Variants in FIBP observed in about 807,000 individuals in gnomAD.
The protein encoded by FIBP is acidic fibroblast growth factor intracellular-binding protein.
FIBP carries 29 observed loss-of-function variants against 40.5 expected under a neutral mutation model. The ratio of observed to expected loss-of-function variants is 0.72; its 90% CI spans 0.53 to 0.98. The LOEUF (loss-of-function observed/expected upper bound fraction) is 0.98, where lower values mean the gene tolerates loss of function less well. Ranked by LOEUF, FIBP falls within the 50% of genes least tolerant of loss-of-function variation. FIBP has a pLI of 0.00. For synonymous variants in FIBP, 215 were observed against 191.1 expected, an observed-to-expected ratio of 1.13 and a Z score of -1.03; for missense variants, 411 against 470.2, an observed-to-expected ratio of 0.87 and a Z score of 1.16.
At chr11:65,884,882 G>A (rs1860191839) in intron 7 of FIBP, 53 bp downstream of exon 7, 1 of 1,599,496 alleles carries the variant, frequency 6.3e-7, no homozygotes, top group Non-Finnish European at 8.6e-7. Flanking sequence ...GGTAGGGGTG[G>A]CGAACTGGAG....
intron 4 of FIBP, 58 bp downstream of exon 4, chr11:65,886,264 G>T (rs1024963128): frequency 8.3e-7 from 1 of 1,209,042 alleles, no homozygotes; most frequent in African/African-American, 1.5e-5. Context: ...AGGGAAGGTG[G>T]ACGAGCCTCC....
intron 7 of FIBP, 119 bp from the exon 8 acceptor site, chr11:65,884,775 C>T: frequency 7.6e-7 from 1 of 1,316,414 alleles, no homozygotes; most frequent in South Asian, 1.2e-5. Context: ...CTCCATCAAC[C>T]AAGTCCCCAT....
Position 65,888,037 on chromosome 11 carries a change from G to A in FIBP, c.181C>T (p.Arg61Cys), listed in dbSNP as rs1305230810. The A allele has an allele frequency of 1.2e-6, 2 of 1,612,040 alleles. No individual in the cohort carries two copies. Among genetic ancestry groups the A allele is most frequent in the Non-Finnish European group, 1.7e-6 (2 of 1,179,484 alleles). ...AGCCGCTCGAGCATGTGGAAGGTGC[G>A]GTAATGGTCCATGGTGTCGCTCTGC... Reference protein sequence around the residue: ...VLQSDTMDHYRTFHMLERLLH... With the variant: ...VLQSDTMDHYCTFHMLERLLH... The change falls in exon 2 of 10, where the codon CGC becomes TGC. Residue 61 changes from arginine (R) to cysteine (C), a missense_variant. Transcript: ENST00000357519.
Position 65,885,173 on chromosome 11 carries a change from A to C in FIBP, c.660T>G (p.Asp220Glu). Residue 220 changes from aspartate (D) to glutamate (E), a missense_variant, in exon 6 of 10, where the codon GAT (aspartate) becomes GAG (glutamate). By Grantham distance (45) the Asp-to-Glu change is conservative. Coordinates refer to ENST00000357519, the MANE Select transcript of FIBP (RefSeq NM_004214.5). ...WTLGAVDSQM[D>E]DMDMDLDKEF... is the part of the protein sequence containing the mutation. ...CCTTGTCTAAGTCCATGTCCATGTC[A>C]TCCATCTGTGAGTCTGTGAGGCCAT... 1.4e-6 allele frequency: 2 copies of C among 1,421,954 alleles called. No individual in the cohort carries two copies. The highest frequency in any genetic ancestry group is 1.9e-6 in the Non-Finnish European group (2 of 1,030,848). The allele number at this position is 1,421,954 out of a possible 1,614,324, so 88.1% of individuals were successfully genotyped here.
Position 65,886,439 on chromosome 11 carries a change from G to A in FIBP, c.412-17C>T, listed in dbSNP as rs1233020549. On this transcript the variant is annotated splice_polypyrimidine_tract_variant and intron_variant, in intron 3 of 9. Coordinates refer to ENST00000357519, the MANE Select transcript of FIBP (RefSeq NM_004214.5). The stretch of plus-strand genomic sequence containing the variant: ...GTTGTCAAACTGCAGGGCAGTTAGG[G>A]TAGAAGAGAGGACTGGTCAGAGTGT... 2.6e-6 allele frequency: 4 copies of A among 1,550,460 alleles called. No homozygotes were observed. Among genetic ancestry groups the A allele is most frequent in the Non-Finnish European group, 3.6e-6 (4 of 1,121,982 alleles).
At position 65,883,762 on chromosome 11, in the gene FIBP, G is replaced by A. The variant is rs903372131; in HGVS notation, c.*212C>T. ...CTCTGGCTTGTGAGCAGACTCTTCT[G>A]GTGGATGGGCTGAGCACAGACACCA... On this transcript the variant is annotated 3_prime_UTR_variant, in exon 10 of 10. Transcript: ENST00000357519. The A allele has an allele frequency of 2.5e-6, 2 of 803,604 alleles. No homozygotes were observed. Among genetic ancestry groups the A allele is most frequent in the Non-Finnish European group, 4.0e-6 (2 of 495,256 alleles). The allele number at this position is 803,604 out of a possible 1,614,324, so 49.8% of individuals were successfully genotyped here. A position where few individuals can be genotyped will look rare whatever the true frequency, so the allele number is the denominator to read the frequency against.
At chr11:65,885,276 C>A (rs1292742780) in intron 5 of FIBP, 90 bp from the exon 6 acceptor site, 8 of 1,132,006 alleles carry the variant, frequency 7.1e-6, no homozygotes, top group South Asian at 6.4e-5. Flanking sequence ...TTATTTCCCC[C>A]CTGGGGACAA....
chr11:65,884,579 G>A lies in FIBP; in HGVS notation c.897C>T (p.Leu299=), dbSNP rs116455583. 6.2e-4 allele frequency: 1,002 copies of A among 1,614,174 alleles called. 5 individuals are homozygous for A. In the African/African-American group the frequency reaches 9.7e-3, roughly 16 times the overall value. The change falls in exon 8 of 10, where the codon CTC becomes CTT. Residue 299 remains leucine, a synonymous_variant. Transcript: ENST00000357519. ...NKDVRDLFVD[L]VEKFVEPCRS... is the part of the protein sequence containing the mutation. ...GAGCACGACAGCTCACCTTCTCCAC[G>A]AGGTCCACAAACAGGTCTCTGACAT...
chr11:65,885,249 T>C (rs1860205215), intron 5 of FIBP, 63 bp from the exon 6 acceptor site: 3 of 1,275,796 alleles, frequency 2.4e-6, no homozygotes, highest in Middle Eastern at 1.9e-4. Flanking sequence ...AGCCTAAGCC[T>C]TTCCTCACCC....
In FIBP at chr11:65,884,461, C is replaced by T; in HGVS notation, c.935G>A (p.Trp312Ter). 1 of 1,614,142 alleles carries T rather than the reference C, an allele frequency of 6.2e-7. No homozygotes were observed. Among genetic ancestry groups the T allele is most frequent in the Non-Finnish European group, 8.5e-7 (1 of 1,180,022 alleles). Residue 312 changes from tryptophan (W) to a stop codon, truncating the protein, a stop_gained, in exon 9 of 10, where the codon TGG (tryptophan) becomes TAG (stop). Coordinates refer to ENST00000357519, the MANE Select transcript of FIBP (RefSeq NM_004214.5). LOFTEE classifies it high-confidence loss of function. ...KFVEPCRSDHWPLSDVRFFLN... is the reference protein window; with the variant it reads ...KFVEPCRSDH ...GAAGAACCGCACGTCGCTGAGTGGC[C>T]AGTGGTCGGAGCGGCAGGGTTCCAC... is the stretch of plus-strand genomic sequence containing the variant.
At chr11:65,886,289 G>C (rs756863960) in intron 4 of FIBP, 33 bp downstream of exon 4, 3 of 1,462,604 alleles carry the variant, frequency 2.1e-6, no homozygotes. Context: ...CCAGGAAGTA[G>C]TGTGCGGGAT....
chr11:65,886,167 A>AC lies in FIBP; in HGVS notation c.512+154_512+155insG. 7 of 501,392 alleles carry AC rather than the reference A, an allele frequency of 1.4e-5. No individual in the cohort carries two copies. In the South Asian group the frequency reaches 1.5e-4, roughly 11 times the overall value. 31.1% of individuals were successfully genotyped at this position (501,392 alleles called of 1,614,324 possible). A position where few individuals can be genotyped will look rare whatever the true frequency, so the allele number is the denominator to read the frequency against. ...GGCAACAAGAGTGAAACTCCGTCTCATTAAAAAAAAAAAAAAAAAAAAAGT... is the reference window on the plus strand; with the variant it reads ...GGCAACAAGAGTGAAACTCCGTCTCACTTAAAAAAAAAAAAAAAAAAAAAGT... On this transcript the variant is annotated intron_variant, in intron 4 of 9. Transcript: ENST00000357519.
chr11:65,887,462 AAGG>A, intron 3 of FIBP, 135 bp downstream of exon 3: 1 of 981,664 alleles, frequency 1.0e-6, no homozygotes, highest in Non-Finnish European at 1.6e-6. Context: ...AAAAAAAAAA[AAGG>A]AGGGGAAAGG....
Position 65,888,015 on chromosome 11 carries a change from C to T in FIBP, c.203G>A (p.Arg68Gln), listed in dbSNP as rs1175824325. 1.2e-6 allele frequency: 2 copies of T among 1,613,246 alleles called. No homozygotes were observed. The highest frequency in any genetic ancestry group is 1.7e-6 in the Non-Finnish European group (2 of 1,179,808). ...DHYRTFHMLE[R>Q]LLHAPPKLLH... ...TAGCTTGGGCGGCGCATGCAGCAGCCGCTCGAGCATGTGGAAGGTGCGGTA... is the reference window on the plus strand; with the variant it reads ...TAGCTTGGGCGGCGCATGCAGCAGCTGCTCGAGCATGTGGAAGGTGCGGTA... The change falls in exon 2 of 10, where the codon CGG becomes CAG. Residue 68 changes from arginine to glutamine, a missense_variant. Physicochemically the swap from Arg to Gln is conservative, Grantham distance 43 (BLOSUM62 1). Coordinates refer to ENST00000357519, the MANE Select transcript of FIBP (RefSeq NM_004214.5).
In FIBP at chr11:65,887,951, C is replaced by T; in HGVS notation, c.267G>A (p.Gln89=). Reference sequence around the variant, plus strand: ...GTGAGCACCTCTCGATGAGTAGTGCCTGCCGGGAGGGCGGAATCTGGAAGA... The same window carrying T: ...GTGAGCACCTCTCGATGAGTAGTGCTTGCCGGGAGGGCGGAATCTGGAAGA... ...QLIFQIPPSR[Q]ALLIERYYAF... The change falls in exon 2 of 10, where the codon CAG becomes CAA. Residue 89 remains glutamine, a synonymous_variant. Coordinates refer to ENST00000357519, the MANE Select transcript of FIBP (RefSeq NM_004214.5). 6.2e-7 allele frequency: 1 copy of T among 1,613,748 alleles called. No individual in the cohort carries two copies. The highest frequency in any genetic ancestry group is 1.7e-4 in the Middle Eastern group (1 of 6,058).
At chr11:65,885,025 A>T in intron 6 of FIBP, 27 bp from the exon 7 acceptor site, 1 of 1,614,114 alleles carries the variant, frequency 6.2e-7, no homozygotes, top group Non-Finnish European at 8.5e-7. Flanking sequence ...TCACGCCTAT[A>T]GCCACCTGGG....
Position 65,884,612 on chromosome 11 carries a change from G to A in FIBP, c.864C>T (p.His288=). The change falls in exon 8 of 10, where the codon CAC becomes CAT. Residue 288 remains histidine (H), a synonymous_variant. Transcript: ENST00000357519. ...CAAACAGGTCTCTGACATCTTTATT[G>A]TGGGTCAGCTTGGCGGCCACGTTCA... The part of the protein sequence containing the change: ...GLVNVAAKLT[H]NKDVRDLFVD... The A allele has an allele frequency of 1.2e-6, 2 of 1,614,224 alleles. No individual in the cohort carries two copies. Among genetic ancestry groups the A allele is most frequent in the South Asian group, 2.2e-5 (2 of 91,092 alleles).
At chr11:65,885,756 G>A in intron 4 of FIBP, 93 bp from the exon 5 acceptor site, 4 of 1,277,956 alleles carry the variant, frequency 3.1e-6, no homozygotes, top group Middle Eastern at 2.0e-4. Context: ...TCCGAGTTCT[G>A]GCCTCTCTCT....
Position 65,884,376 on chromosome 11 carries a change from G to C in FIBP, c.1004+16C>G. On this transcript the variant is annotated intron_variant, in intron 9 of 9. Transcript: ENST00000357519. Reference sequence around the variant, plus strand: ...TGGGGCAAAGCCAAGCTGGACAGGAGGACAGGGCTGCTCACCGGAAGCCAT... The same window carrying C: ...TGGGGCAAAGCCAAGCTGGACAGGACGACAGGGCTGCTCACCGGAAGCCAT... 1.9e-6 allele frequency: 3 copies of C among 1,610,790 alleles called. No individual in the cohort carries two copies. Among genetic ancestry groups the C allele is most frequent in the Non-Finnish European group, 2.5e-6 (3 of 1,177,598 alleles).
Sources: gnomAD v4.1 joint callset for allele counts on GRCh38, gnomAD v4.1.1 for gene constraint, MANE v1.5 for transcripts, NCBI Gene and HGNC (gene_info 2026-07-23, HGNC 2026-07-21) for gene names.